Variants in SHB observed in about 807,000 individuals in gnomAD.
SHB encodes the protein SH2 domain containing adaptor protein B.
A neutral mutation model predicts 52.3 loss-of-function variants in SHB; 20 were observed. The observed-to-expected ratio is 0.38, with a 90% CI of 0.27 to 0.56. SHB has a LOEUF of 0.56. Among genes scored for constraint, SHB ranks in the 20% least tolerant of loss-of-function variants. The probability of loss-of-function intolerance (pLI) is 0.71; values close to 1 mark genes in which losing one functional copy is unlikely to be tolerated. For missense variants in SHB, 825 were observed against 723.3 expected, an observed-to-expected ratio of 1.14 and a Z score of -1.61; for synonymous variants, 397 against 316.5, an observed-to-expected ratio of 1.25 and a Z score of -2.70.
chr9:37,991,618 A>T (rs1046538593), intron 2 of SHB, among the ~76,000 whole-genome samples: 1 of 152,186 alleles, frequency 6.6e-6, no homozygotes, highest in African/African-American at 2.4e-5. Flanking sequence ...ATGATGAAAG[A>T]TTTCCCTAAA....
chr9:37,941,572 G>T (rs1271503427), intron 5 of SHB, among the ~76,000 whole-genome samples: 2 of 152,212 alleles, frequency 1.3e-5, no homozygotes, highest in Non-Finnish European at 2.9e-5. Flanking sequence ...TGAGCAGTGT[G>T]GGGGTCCTGA....
intron 1 of SHB, among the ~76,000 whole-genome samples, chr9:38,066,883 G>C (rs1002503521): frequency 1.3e-5 from 2 of 152,264 alleles, no homozygotes; most frequent in African/African-American, 4.8e-5. Flanking sequence ...CTGGGCAAAG[G>C]TTTACCTTTG....
intron 1 of SHB, among the ~76,000 whole-genome samples, chr9:38,055,286 T>C (rs549426469): frequency 2.0e-5 from 3 of 152,266 alleles, no homozygotes; most frequent in East Asian, 1.9e-4. Context: ...TAATACCAAT[T>C]TGTTTATGTC....
intron 2 of SHB, among the ~76,000 whole-genome samples, chr9:38,007,611 C>T (rs1351011539): frequency 2.0e-5 from 3 of 152,168 alleles, no homozygotes; most frequent in Non-Finnish European, 2.9e-5. Flanking sequence ...CTCTGTGGAC[C>T]AGCCCAGGTC....
chr9:38,059,941 G>A (rs1268406805), intron 1 of SHB, among the ~76,000 whole-genome samples: 1 of 152,152 alleles, frequency 6.6e-6, no homozygotes, highest in Non-Finnish European at 1.5e-5. Context: ...GTGTGAAAGT[G>A]CCCTTTAAGC....
At chr9:38,014,840 C>T (rs536447535) in intron 2 of SHB, among the ~76,000 whole-genome samples, 3 of 152,364 alleles carry the variant, frequency 2.0e-5, no homozygotes, top group South Asian at 2.1e-4. Context: ...CACGGCTACA[C>T]AGCCCTATAA....
chr9:38,045,403 C>T (rs1416724124), intron 1 of SHB, among the ~76,000 whole-genome samples: 1 of 151,920 alleles, frequency 6.6e-6, no homozygotes, highest in African/African-American at 2.4e-5. Context: ...GAGTTCGAGA[C>T]CAGCTTGGTC....
At chr9:37,920,059 C>A in intron 5 of SHB, 55 bp from the exon 6 acceptor site, 1 of 1,377,790 alleles carries the variant, frequency 7.3e-7, no homozygotes. Flanking sequence ...CAGGCTGAGG[C>A]CAAGGGTCTC....
intron 2 of SHB, chr9:38,015,502 T>C (rs1821198550): frequency 1.4e-6 from 1 of 700,622 alleles, no homozygotes; most frequent in African/African-American, 1.7e-5. Flanking sequence ...ACCAGGGTTA[T>C]TTATGCTGCT....
At chr9:38,035,400 C>T (rs1394248566) in intron 1 of SHB, among the ~76,000 whole-genome samples, 2 of 151,854 alleles carry the variant, frequency 1.3e-5, no homozygotes, top group Non-Finnish European at 2.9e-5. Flanking sequence ...CTATAGTCCT[C>T]CTGAGATTTT....
chr9:37,947,739 C>T (rs1196726086), intron 5 of SHB, among the ~76,000 whole-genome samples: 1 of 152,196 alleles, frequency 6.6e-6, no homozygotes, highest in African/African-American at 2.4e-5. Flanking sequence ...CTCCTGACAA[C>T]CGTGTCCCTG....
At chr9:37,931,108 A>C (rs1372092667) in intron 5 of SHB, among the ~76,000 whole-genome samples, 2 of 152,224 alleles carry the variant, frequency 1.3e-5, no homozygotes, top group East Asian at 3.8e-4. Flanking sequence ...ACACACAAAA[A>C]ATCAACTCAA....
At chr9:37,927,793 C>G (rs1368701690) in intron 5 of SHB, among the ~76,000 whole-genome samples, 2 of 152,166 alleles carry the variant, frequency 1.3e-5, no homozygotes, top group Admixed American at 6.5e-5. Context: ...TGTAGTCCCC[C>G]CTCAGGGTTC....
Position 37,918,187 on chromosome 9 carries a change from C to T in SHB, c.*1634G>A, listed in dbSNP as rs1435121078. Among the ~76,000 whole-genome samples the T allele has an allele frequency of 2.0e-5, 3 of 152,240 alleles. No individual in the cohort carries two copies. The highest frequency in any genetic ancestry group is 1.9e-4 in the East Asian group (1 of 5,198). On this transcript the variant is annotated 3_prime_UTR_variant, in exon 6 of 6. Transcript: ENST00000377707. ...CGTCAAACTTCTAGTTCATTCAGAC[C>T]AGCTGGTGCCTGGCGAAGGCTCTGG...
chr9:38,046,176 G>A (rs1821650104), intron 1 of SHB, among the ~76,000 whole-genome samples: 5 of 151,462 alleles, frequency 3.3e-5, no homozygotes, highest in Admixed American at 1.3e-4. Context: ...GCAGTGAGCC[G>A]AGATAAGAAA....
At chr9:38,002,675 T>C (rs1052969956) in intron 2 of SHB, among the ~76,000 whole-genome samples, 31 of 152,150 alleles carry the variant, frequency 2.0e-4, no homozygotes, top group African/African-American at 7.5e-4. Flanking sequence ...TCTCTCTCTG[T>C]GAAAGAAGAT....
At chr9:37,973,775 T>C (rs1820620649) in intron 3 of SHB, among the ~76,000 whole-genome samples, 1 of 152,170 alleles carries the variant, frequency 6.6e-6, no homozygotes, top group African/African-American at 2.4e-5. Context: ...GGCTGAGCTC[T>C]GTCCATCACC....
At chr9:38,014,442 C>T (rs936143527) in intron 2 of SHB, among the ~76,000 whole-genome samples, 2 of 152,228 alleles carry the variant, frequency 1.3e-5, no homozygotes, top group Non-Finnish European at 2.9e-5. Flanking sequence ...CTGTGGTTGT[C>T]GCAGGGCCCA....
At chr9:38,039,202 A>T (rs1821535653) in intron 1 of SHB, among the ~76,000 whole-genome samples, 1 of 152,248 alleles carries the variant, frequency 6.6e-6, no homozygotes. Flanking sequence ...TCAGGCGTTA[A>T]GCCTCCAATG....
Sources: gnomAD v4.1 joint callset for allele counts (sites outside exome capture counted in the v4.1 genomes callset) on GRCh38, gnomAD v4.1.1 for gene constraint, MANE v1.5 for transcripts, NCBI Gene and HGNC (gene_info 2026-07-23, HGNC 2026-07-21) for gene names.